Variants in GRID2 observed in about 807,000 individuals in gnomAD.
GRID2 encodes the protein glutamate receptor ionotropic, delta-2.
Under a neutral mutation model 114.8 loss-of-function variants are expected in GRID2, and 33 were observed. The observed-to-expected ratio is 0.29, with a 90% CI of 0.22 to 0.38. The LOEUF is 0.38. Among genes scored for constraint, GRID2 ranks in the 10% least tolerant of loss-of-function variants. GRID2 has a pLI of 1.00. For missense variants in GRID2, 1,184 were observed against 1,257.7 expected, an observed-to-expected ratio of 0.94 and a Z score of 0.89; for synonymous variants, 505 against 449.9, an observed-to-expected ratio of 1.12 and a Z score of -1.55.
intron 1 of GRID2, among the ~76,000 whole-genome samples, chr4:92,529,325 G>A (rs533246587): frequency 3.3e-5 from 5 of 152,128 alleles, no homozygotes; most frequent in South Asian, 2.1e-4. Flanking sequence ...GTTCAGCCAC[G>A]TAATAGGTAT....
chr4:93,122,047 TTCTG>T (rs1306410745), intron 4 of GRID2, among the ~76,000 whole-genome samples: 2 of 152,190 alleles, frequency 1.3e-5, no homozygotes, highest in African/African-American at 2.4e-5. Context: ...AAATCTTCTC[TTCTG>T]TCTGTCTTTT....
intron 8 of GRID2, among the ~76,000 whole-genome samples, chr4:93,391,104 T>C (rs1579927489): frequency 2.0e-5 from 3 of 152,152 alleles, no homozygotes; most frequent in East Asian, 1.9e-4. Flanking sequence ...ACTGTAGTAA[T>C]AGAATCTTAG....
intron 13 of GRID2, among the ~76,000 whole-genome samples, chr4:93,588,140 T>C (rs573308916): frequency 3.0e-4 from 45 of 152,188 alleles, no homozygotes; most frequent in African/African-American, 1.1e-3. Flanking sequence ...ACTTGTAAAG[T>C]TGTACTTACA....
chr4:93,157,216 G>GCCTACA (rs1269078505), intron 4 of GRID2, among the ~76,000 whole-genome samples: 1 of 151,550 alleles, frequency 6.6e-6, no homozygotes, highest in African/African-American at 2.4e-5. Context: ...ACTCAGGGAT[G>GCCTACA]CCTACATTAT....
chr4:93,712,340 T>C (rs1728557062), intron 14 of GRID2, among the ~76,000 whole-genome samples: 1 of 152,176 alleles, frequency 6.6e-6, no homozygotes, highest in African/African-American at 2.4e-5. Flanking sequence ...AAGATTTTCT[T>C]CCATGTAGAT....
intron 11 of GRID2, among the ~76,000 whole-genome samples, chr4:93,469,644 C>G (rs1724617366): frequency 6.6e-6 from 1 of 152,020 alleles, no homozygotes; most frequent in African/African-American, 2.4e-5. Context: ...AATTTGCAGT[C>G]ATTTGGCCAC....
At chr4:92,621,633 C>T (rs1026048224) in intron 2 of GRID2, among the ~76,000 whole-genome samples, 1 of 151,158 alleles carries the variant, frequency 6.6e-6, no homozygotes, top group African/African-American at 2.4e-5. Context: ...GCACTTAGCG[C>T]AGGGCAAAAA....
intron 1 of GRID2, among the ~76,000 whole-genome samples, chr4:93,788,547 T>C (rs546604570): frequency 5.6e-4 from 85 of 152,134 alleles, no homozygotes; most frequent in Non-Finnish European, 1.0e-3. Context: ...CATATGCATA[T>C]GTGTAATGCA....
At chr4:92,828,803 A>G (rs1385839899) in intron 2 of GRID2, among the ~76,000 whole-genome samples, 1 of 152,142 alleles carries the variant, frequency 6.6e-6, no homozygotes, top group African/African-American at 2.4e-5. Flanking sequence ...GGTATAAGTA[A>G]CTAAAAGAAG....
chr4:93,216,161 G>A (rs1273713409), intron 5 of GRID2, among the ~76,000 whole-genome samples: 1 of 149,336 alleles, frequency 6.7e-6, no homozygotes, highest in East Asian at 2.0e-4. Flanking sequence ...AGAAACATAC[G>A]AGTTAACATC....
At chr4:93,682,461 G>T (rs1236052057) in intron 14 of GRID2, among the ~76,000 whole-genome samples, 1 of 151,764 alleles carries the variant, frequency 6.6e-6, no homozygotes, top group African/African-American at 2.4e-5. Flanking sequence ...AAATCATGCT[G>T]CTATAAAGAC....
chr4:93,592,863 G>A (rs544209857), intron 13 of GRID2, among the ~76,000 whole-genome samples: 12 of 152,180 alleles, frequency 7.9e-5, no homozygotes, highest in South Asian at 6.3e-4. Flanking sequence ...TGTTTCATCA[G>A]AGACTAGGAT....
At chr4:93,206,471 C>T (rs1388892423) in intron 4 of GRID2, among the ~76,000 whole-genome samples, 2 of 152,104 alleles carry the variant, frequency 1.3e-5, no homozygotes, top group African/African-American at 2.4e-5. Context: ...AGAATGACCT[C>T]TTACAAAAGA....
chr4:93,314,391 A>AGT (rs2149194847), intron 8 of GRID2, among the ~76,000 whole-genome samples: 1 of 152,020 alleles, frequency 6.6e-6, no homozygotes, highest in Admixed American at 6.6e-5. Context: ...CAACATCATA[A>AGT]GTACTCTCTG....
At chr4:92,751,174 T>A (rs1023552629) in intron 2 of GRID2, among the ~76,000 whole-genome samples, 1 of 152,130 alleles carries the variant, frequency 6.6e-6, no homozygotes, top group African/African-American at 2.4e-5. Flanking sequence ...AATAAAATAT[T>A]GTTGACATTT....
chr4:93,537,873 G>T (rs1732253351), intron 13 of GRID2, among the ~76,000 whole-genome samples: 1 of 151,218 alleles, frequency 6.6e-6, no homozygotes, highest in African/African-American at 2.4e-5. Context: ...TTTTCCTTTT[G>T]TTATATAGGT....
chr4:92,536,121 G>T (rs376817926), intron 1 of GRID2, among the ~76,000 whole-genome samples: 3 of 152,204 alleles, frequency 2.0e-5, no homozygotes, highest in Admixed American at 6.5e-5. Flanking sequence ...CACTGCTTGC[G>T]CCGGTGGCCT....
chr4:93,752,556 G>A (rs2110287303), intron 14 of GRID2, among the ~76,000 whole-genome samples: 1 of 152,160 alleles, frequency 6.6e-6, no homozygotes, highest in East Asian at 1.9e-4. Flanking sequence ...ACGTTTAGTA[G>A]AGACAGGGTT....
At chr4:93,613,875 G>T (rs1741271939) in intron 13 of GRID2, among the ~76,000 whole-genome samples, 1 of 151,604 alleles carries the variant, frequency 6.6e-6, no homozygotes, top group Non-Finnish European at 1.5e-5. Flanking sequence ...GTTTACCTAA[G>T]CAAGCCTGGG....
Sources: allele counts gnomAD v4.1 joint callset (sites outside exome capture counted in the v4.1 genomes callset), GRCh38; gene constraint gnomAD v4.1.1; transcripts MANE v1.5; gene names NCBI Gene and HGNC (gene_info 2026-07-23, HGNC 2026-07-21).